Variants in KANK1 observed in about 807,000 individuals in gnomAD.
KANK1 encodes KN motif and ankyrin repeat domain-containing protein 1.
KANK1 carries 109 observed loss-of-function variants against 106.2 expected under a neutral mutation model. That is an observed-to-expected ratio of 1.03 (90% CI 0.88 to 1.20). KANK1 has a LOEUF of 1.20. Ranked by LOEUF, KANK1 falls within the 50% of genes most tolerant of loss-of-function variation. The pLI is 0.00. For missense variants in KANK1, 2,399 were observed against 1,710.7 expected (o/e 1.40, Z -7.10); for synonymous variants, 873 against 652.2 (o/e 1.34, Z -5.16).
chr9:618,306 C>G (rs7018882), intron 1 of KANK1, among the ~76,000 whole-genome samples: 42,061 of 151,962 alleles, frequency 0.28, 6,124 homozygotes, highest in Admixed American at 0.35. Context: ...CCTGCTGGTT[C>G]AAGCAATTCT....
At chr9:655,358 C>G (rs1841906662) in intron 1 of KANK1, among the ~76,000 whole-genome samples, 1 of 109,388 alleles carries the variant, frequency 9.1e-6, no homozygotes, top group Admixed American at 1.1e-4. Context: ...GAAACAAGAG[C>G]AAAATTCTGT....
At chr9:477,381 T>C (rs1307475149) in intron 3 of KANK1, among the ~76,000 whole-genome samples, 1 of 151,742 alleles carries the variant, frequency 6.6e-6, no homozygotes. Context: ...AATTCAGAGG[T>C]TGGAGATAAA....
intron 1 of KANK1, among the ~76,000 whole-genome samples, chr9:612,557 T>TA (rs1165678448): frequency 2.0e-5 from 3 of 152,166 alleles, no homozygotes; most frequent in East Asian, 1.9e-4. Flanking sequence ...GCCTTTATGT[T>TA]AAAAACGTTT....
At chr9:576,954 T>A (rs186715312) in intron 1 of KANK1, among the ~76,000 whole-genome samples, 79 of 152,324 alleles carry the variant, frequency 5.2e-4, no homozygotes, top group African/African-American at 1.9e-3. Context: ...GTTACAGTTC[T>A]TAAAGATGGT....
At chr9:614,560 C>G (rs1231281590) in intron 1 of KANK1, among the ~76,000 whole-genome samples, 1 of 152,064 alleles carries the variant, frequency 6.6e-6, no homozygotes, top group Admixed American at 6.5e-5. Context: ...TAGGACAGTT[C>G]CTCATTGTGT....
intron 10 of KANK1, among the ~76,000 whole-genome samples, chr9:743,429 G>T (rs1235389496): frequency 6.6e-6 from 1 of 152,196 alleles, no homozygotes; most frequent in Non-Finnish European, 1.5e-5. Flanking sequence ...CTTTCTTCCA[G>T]AAGAGTTTGT....
chr9:671,753 G>C (rs1815186391), intron 1 of KANK1, among the ~76,000 whole-genome samples: 1 of 151,782 alleles, frequency 6.6e-6, no homozygotes, highest in Admixed American at 6.6e-5. Flanking sequence ...TATTATACCA[G>C]CCTGGCCAAC....
chr9:652,453 G>C (rs1448548966), intron 1 of KANK1, among the ~76,000 whole-genome samples: 2 of 152,138 alleles, frequency 1.3e-5, no homozygotes, highest in Non-Finnish European at 2.9e-5. Flanking sequence ...AATCTGGTAG[G>C]CAGAGTTTGC....
At position 696,300 on chromosome 9, in the gene KANK1, C is replaced by T. The variant is rs554204259; in HGVS notation, c.38-14504C>T. ...CTCCGTCTCAAAAAAAAAAAAAAAA[C>T]TGCTTGACTTCTGCCTCCCCTAGAC... On this transcript the variant is annotated intron_variant, in intron 2 of 11. Coordinates refer to ENST00000382297, the MANE Select transcript of KANK1 (RefSeq NM_015158.5). Among the ~76,000 whole-genome samples, 397 of 149,302 alleles carry T rather than the reference C, an allele frequency of 2.7e-3. 2 individuals are homozygous for T. The highest frequency in any genetic ancestry group is 8.8e-3 in the African/African-American group (358 of 40,788).
intron 3 of KANK1, among the ~76,000 whole-genome samples, chr9:490,363 A>G (rs1215182281): frequency 6.6e-6 from 1 of 152,148 alleles, no homozygotes; most frequent in East Asian, 1.9e-4. Context: ...AAGAAAAAAA[A>G]GCCAGGCACA....
intron 1 of KANK1, among the ~76,000 whole-genome samples, chr9:592,401 C>T (rs1825155891): frequency 6.6e-6 from 1 of 151,848 alleles, no homozygotes; most frequent in Admixed American, 6.5e-5. Context: ...TTTGTCATTA[C>T]ATCCATACTG....
intron 1 of KANK1, among the ~76,000 whole-genome samples, chr9:517,642 A>T (rs952322827): frequency 3.3e-5 from 5 of 150,896 alleles, no homozygotes; most frequent in Non-Finnish European, 5.9e-5. Flanking sequence ...AAGAGTGGGG[A>T]TAATATGTCT....
chr9:645,049 G>A (rs1030056483), intron 1 of KANK1, among the ~76,000 whole-genome samples: 1 of 148,700 alleles, frequency 6.7e-6, no homozygotes, highest in African/African-American at 2.6e-5. Context: ...GTTTGAACCT[G>A]GGAGGCAGAG....
chr9:669,771 T>G (rs186530768), intron 1 of KANK1, among the ~76,000 whole-genome samples: 1 of 152,284 alleles, frequency 6.6e-6, no homozygotes, highest in Admixed American at 6.5e-5. Flanking sequence ...TTTTCTCATA[T>G]TTTGGAAAGT....
chr9:704,932 A>G (rs1048611134), intron 2 of KANK1, among the ~76,000 whole-genome samples: 4 of 146,362 alleles, frequency 2.7e-5, no homozygotes, highest in East Asian at 2.1e-4. Context: ...GATAGAGACT[A>G]TAGTGAGCCA....
chr9:612,317 G>C (rs1203746232), intron 1 of KANK1, among the ~76,000 whole-genome samples: 1 of 152,140 alleles, frequency 6.6e-6, no homozygotes, highest in African/African-American at 2.4e-5. Context: ...GAGAAATTCA[G>C]TACAAAGTCT....
At chr9:560,379 G>A (rs982657147) in intron 1 of KANK1, among the ~76,000 whole-genome samples, 1 of 152,162 alleles carries the variant, frequency 6.6e-6, no homozygotes, top group Non-Finnish European at 1.5e-5. Flanking sequence ...GCAATTCACT[G>A]CCTTGCCAGT....
intron 1 of KANK1, among the ~76,000 whole-genome samples, chr9:658,616 T>A (rs140742570): frequency 2.9e-4 from 44 of 152,250 alleles, no homozygotes; most frequent in Non-Finnish European, 5.6e-4. Flanking sequence ...GTTTTTTTTT[T>A]AATTTTAGAT....
At chr9:494,752 G>A (rs751095617) in intron 3 of KANK1, among the ~76,000 whole-genome samples, 3 of 152,088 alleles carry the variant, frequency 2.0e-5, no homozygotes, top group African/African-American at 4.8e-5. Context: ...ATCCTGCCCC[G>A]CTACTGTATG....
Sources: gnomAD v4.1 joint callset for allele counts (sites outside exome capture counted in the v4.1 genomes callset) on GRCh38, gnomAD v4.1.1 for gene constraint, MANE v1.5 for transcripts, NCBI Gene and HGNC (gene_info 2026-07-23, HGNC 2026-07-21) for gene names.